The following CREG2 variants were observed in gnomAD, a reference collection of about 807,000 sequenced individuals.
The protein encoded by CREG2 is protein CREG2.
CREG2 carries 24 observed loss-of-function variants against 26.2 expected under a neutral mutation model. The ratio of observed to expected loss-of-function variants is 0.92; its 90% CI spans 0.66 to 1.29. The LOEUF is 1.29. CREG2 is among the 50% of genes most tolerant of loss of function. The pLI, the probability that CREG2 is intolerant of heterozygous loss-of-function variation, is 0.00. For missense variants in CREG2, 366 were observed against 398.6 expected (o/e 0.92, Z 0.70); for synonymous variants, 174 against 169.2 (o/e 1.03, Z -0.22).
chr2:101,356,254 G>A (rs989618286), intron 2 of CREG2, among the ~76,000 whole-genome samples: 1 of 152,002 alleles, frequency 6.6e-6, no homozygotes, highest in African/African-American at 2.4e-5. Context: ...GGTTTATATG[G>A]GCCCAGGATG....
intron 1 of CREG2, among the ~76,000 whole-genome samples, chr2:101,384,508 T>C (rs1049667649): frequency 6.6e-6 from 1 of 152,156 alleles, no homozygotes; most frequent in African/African-American, 2.4e-5. Flanking sequence ...CATGAATGGC[T>C]TGGTGCCCTC....
At chr2:101,358,495 A>G (rs149179293) in intron 2 of CREG2, among the ~76,000 whole-genome samples, 60 of 152,396 alleles carry the variant, frequency 3.9e-4, no homozygotes, top group East Asian at 3.7e-3. Context: ...CCTGTTGCAT[A>G]GAATTGTTTA....
At chr2:101,359,861 C>T (rs1021135892) in intron 2 of CREG2, among the ~76,000 whole-genome samples, 1 of 152,220 alleles carries the variant, frequency 6.6e-6, no homozygotes, top group East Asian at 1.9e-4. Flanking sequence ...CTTCAGGGGT[C>T]TCCAAATGAC....
chr2:101,350,794 T>G lies in CREG2; in HGVS notation c.*129A>C. On this transcript the variant is annotated 3_prime_UTR_variant, in exon 4 of 4. Coordinates refer to ENST00000324768, the MANE Select transcript of CREG2 (RefSeq NM_153836.4). ...AGAGTTCCCTGTTCACCCTCTCTCA[T>G]TCTGCTGCAGGGATGGCAGGGCTGC... 1.1e-6 allele frequency: 1 copy of G among 915,830 alleles called. No homozygotes were observed. The highest frequency in any genetic ancestry group is 1.7e-6 in the Non-Finnish European group (1 of 588,486). The allele number at this position is 915,830 out of a possible 1,614,324, so 56.7% of individuals were successfully genotyped here.
chr2:101,360,212 C>T (rs1684519745), intron 2 of CREG2, among the ~76,000 whole-genome samples: 1 of 152,252 alleles, frequency 6.6e-6, no homozygotes, highest in African/African-American at 2.4e-5. Context: ...CATTGCCTTA[C>T]CACCTACCTG....
chr2:101,374,370 G>A (rs1436742419), intron 2 of CREG2, among the ~76,000 whole-genome samples: 3 of 152,190 alleles, frequency 2.0e-5, no homozygotes, highest in Non-Finnish European at 4.4e-5. Context: ...GAGCAAGACT[G>A]TCTCAAACAA....
rs1684360327 is a variant in CREG2, at chr2:101,350,389, T to C, written c.*534A>G. On this transcript the variant is annotated 3_prime_UTR_variant, in exon 4 of 4. Transcript: ENST00000324768. ...CTAGCCAGTATGACCTAATAATGCA[T>C]CTGCAATCCACCAGCAGGAGGAGTA... 6.5e-6 allele frequency: 1 copy of C among 153,028 alleles called. No homozygotes were observed. The allele number at this position is 153,028 out of a possible 1,614,324, so 9.5% of individuals were successfully genotyped here.
chr2:101,378,897 T>G (rs950417838), intron 2 of CREG2, among the ~76,000 whole-genome samples: 3 of 151,800 alleles, frequency 2.0e-5, no homozygotes, highest in Non-Finnish European at 4.4e-5. Flanking sequence ...TCCCAGCTAT[T>G]CAGGACGCTG....
intron 2 of CREG2, among the ~76,000 whole-genome samples, chr2:101,368,711 G>C (rs1200249320): frequency 6.6e-6 from 1 of 152,222 alleles, no homozygotes; most frequent in Non-Finnish European, 1.5e-5. Flanking sequence ...CTAGACAAAA[G>C]TGCTTCCAAC....
In CREG2 at chr2:101,345,628, T is replaced by C. The variant is rs1176885273; in HGVS notation, c.*5295A>G. ...AGTCTTTGGTTAAATAGATCTAGTT[T>C]TGAAAACAGATTTTACATTTTACAT... On this transcript the variant is annotated 3_prime_UTR_variant, in exon 4 of 4. Transcript: ENST00000324768. The C allele has an allele frequency of 2.6e-5, 4 of 152,212 alleles. No homozygotes were observed. The highest frequency in any genetic ancestry group is 1.3e-4 in the Admixed American group (2 of 15,282). The allele number at this position is 152,212 out of a possible 1,614,324, so 9.4% of individuals were successfully genotyped here.
In CREG2 at chr2:101,355,272, T is replaced by C. The variant is rs756723041; in HGVS notation, c.706A>G (p.Lys236Glu). Residue 236 changes from lysine to glutamate, a missense_variant, in exon 3 of 4, where the codon AAG becomes GAG. Lys to Glu is a moderately conservative substitution (Grantham distance 56). Coordinates refer to ENST00000324768, the MANE Select transcript of CREG2 (RefSeq NM_153836.4). Reference sequence around the variant, plus strand: ...ACACACCTTGAAAACATGGCTTGCTTGGCAAATTCTACTTCTTCTGGAGAC... The same window carrying C: ...ACACACCTTGAAAACATGGCTTGCTCGGCAAATTCTACTTCTTCTGGAGAC... ...AVSPEEVEFA[K>E]QAMFSRHPGM... The C allele has an allele frequency of 6.2e-7, 1 of 1,612,468 alleles. No individual in the cohort carries two copies. The highest frequency in any genetic ancestry group is 2.2e-5 in the East Asian group (1 of 44,872).
At position 101,387,430 on chromosome 2, in the gene CREG2, C is replaced by T; in HGVS notation, c.28G>A (p.Ala10Thr). 3 of 1,247,812 alleles carry T rather than the reference C, an allele frequency of 2.4e-6. No homozygotes were observed. Among genetic ancestry groups the T allele is most frequent in the Non-Finnish European group, 3.0e-6 (3 of 989,758 alleles). The allele number at this position is 1,247,812 out of a possible 1,614,324, so 77.3% of individuals were successfully genotyped here. A position where few individuals can be genotyped will look rare whatever the true frequency, so the allele number is the denominator to read the frequency against. ...CAGGAGAGGCGGGTCCCCGGCCGCG[C>T]CGGCCGCCGGCCGCGGCGCACGGAC... Reference protein sequence around the residue: MSVRRGRRPARPGTRLSWLL... With the variant: MSVRRGRRPTRPGTRLSWLL... Residue 10 changes from alanine to threonine, a missense_variant, in exon 1 of 4, where the codon GCG (alanine) becomes ACG (threonine). Physicochemically the swap from Ala to Thr is moderately conservative, Grantham distance 58. This residue lies in a region of CREG2 where 177 missense variants were observed against 183.3 expected (regional missense o/e 0.97). Coordinates refer to ENST00000324768, the MANE Select transcript of CREG2 (RefSeq NM_153836.4). The surrounding 1 kb of genome is among the most constrained non-coding windows in gnomAD (Gnocchi z 4.7).
chr2:101,359,555 G>C (rs1224151055), intron 2 of CREG2, among the ~76,000 whole-genome samples: 1 of 152,132 alleles, frequency 6.6e-6, no homozygotes, highest in Non-Finnish European at 1.5e-5. Flanking sequence ...CTGGCACTGG[G>C]TGTGACCAAT....
chr2:101,379,034 A>G (rs1450796969), intron 2 of CREG2, among the ~76,000 whole-genome samples: 3 of 151,918 alleles, frequency 2.0e-5, no homozygotes, highest in Admixed American at 2.0e-4. Flanking sequence ...GAAAAAGGAG[A>G]GATCACCAAC....
chr2:101,357,572 C>T (rs78586957), intron 2 of CREG2, among the ~76,000 whole-genome samples: 1,806 of 152,230 alleles, frequency 0.012, 43 homozygotes, highest in African/African-American at 0.041. Flanking sequence ...CACTTACATT[C>T]ACATAGTGTT....
chr2:101,386,987 G>T (rs527581210), intron 1 of CREG2, 30 bp downstream of exon 1: 4 of 1,231,930 alleles, frequency 3.2e-6, no homozygotes, highest in East Asian at 6.3e-5. Flanking sequence ...TGAATGCCAG[G>T]CCCCCTCGCG....
chr2:101,354,361 T>G (rs984110603), intron 3 of CREG2, among the ~76,000 whole-genome samples: 2 of 152,226 alleles, frequency 1.3e-5, no homozygotes, highest in Non-Finnish European at 1.5e-5. Context: ...TGTGAACATA[T>G]CCAATCCCAA....
intron 1 of CREG2, among the ~76,000 whole-genome samples, chr2:101,384,162 G>A (rs945049169): frequency 1.3e-5 from 2 of 152,122 alleles, no homozygotes; most frequent in African/African-American, 2.4e-5. Context: ...AGTCTTTAAC[G>A]TCTTGCCTGC....
chr2:101,374,939 C>T (rs1684765936), intron 2 of CREG2, among the ~76,000 whole-genome samples: 1 of 152,164 alleles, frequency 6.6e-6, no homozygotes. Flanking sequence ...TAGTTGTGTG[C>T]ACTAAGGGTT....
Sources: gnomAD v4.1 joint callset for allele counts (sites outside exome capture counted in the v4.1 genomes callset) on GRCh38, gnomAD v4.1.1 for gene constraint, gnomAD v4.1.1 regional missense constraint, Gnocchi (gnomAD v3.1) non-coding constraint, MANE v1.5 for transcripts, NCBI Gene and HGNC (gene_info 2026-07-23, HGNC 2026-07-21) for gene names.